SV2C: variants seen among roughly 807,000 people sequenced by gnomAD.
SV2C encodes the protein solute carrier family 22 member B3.
A neutral mutation model predicts 79.7 loss-of-function variants in SV2C; 49 were observed. That is an observed-to-expected ratio of 0.61 (90% CI 0.49 to 0.78). SV2C has a LOEUF of 0.78. Among genes scored for constraint, SV2C ranks in the 30% least tolerant of loss-of-function variants. SV2C has a pLI of 0.00. For synonymous variants in SV2C, 334 were observed against 333.2 expected, an observed-to-expected ratio of 1.00 and a Z score of -0.03; for missense variants, 833 against 912.9, an observed-to-expected ratio of 0.91 and a Z score of 1.13.
chr5:75,900,391 C>T, the SV2C span, among the ~76,000 whole-genome samples: 10 of 152,100 alleles, frequency 6.6e-5, no homozygotes, highest in African/African-American at 2.4e-4. Context: ...GAATATTGGC[C>T]CCCACTGTCT....
chr5:75,901,627 A>C, the SV2C span, among the ~76,000 whole-genome samples: 1 of 152,248 alleles, frequency 6.6e-6, no homozygotes, highest in Non-Finnish European at 1.5e-5. Context: ...GCTGTCAGAC[A>C]GGGACATTTA....
At chr5:76,078,554 A>G (rs73130207), upstream of SV2C, 16,078 of 319,888 alleles carry the variant, frequency 0.05, 2,452 homozygotes, top group African/African-American at 0.32. Context: ...GGTAGACTCA[A>G]AACATACTGT....
chr5:75,911,049 C>A, the SV2C span: 1 of 1,168,904 alleles, frequency 8.6e-7, no homozygotes, highest in Non-Finnish European at 1.3e-6. Flanking sequence ...GAGAGTGAAT[C>A]TGTCGCAACA....
chr5:76,155,067 C>A (rs538662711), intron 2 of SV2C, among the ~76,000 whole-genome samples: 1 of 152,306 alleles, frequency 6.6e-6, no homozygotes, highest in African/African-American at 2.4e-5. Flanking sequence ...TCTTCTCACA[C>A]TCAGTAAATT....
At chr5:75,952,694 G>T in the SV2C span, among the ~76,000 whole-genome samples, 1 of 151,772 alleles carries the variant, frequency 6.6e-6, no homozygotes, top group Non-Finnish European at 1.5e-5. Flanking sequence ...TCCACCATGG[G>T]TAAATGCTCC....
At chr5:76,265,608 G>A (rs549190204) in intron 4 of SV2C, among the ~76,000 whole-genome samples, 2 of 152,340 alleles carry the variant, frequency 1.3e-5, no homozygotes, top group South Asian at 4.1e-4. Flanking sequence ...TGGTGGTGTA[G>A]GCATACGAAG....
At chr5:76,095,337 C>T (rs529380214) in intron 1 of SV2C, among the ~76,000 whole-genome samples, 2 of 152,150 alleles carry the variant, frequency 1.3e-5, no homozygotes, top group South Asian at 4.1e-4. Flanking sequence ...TGATATGCCT[C>T]TTATTAATTA....
At chr5:75,957,494 C>T in the SV2C span, among the ~76,000 whole-genome samples, 1 of 152,014 alleles carries the variant, frequency 6.6e-6, no homozygotes, top group African/African-American at 2.4e-5. Context: ...CTCCAATCTA[C>T]AATGGGAGGA....
intron 1 of SV2C, among the ~76,000 whole-genome samples, chr5:76,105,936 T>C (rs968812261): frequency 6.6e-6 from 1 of 152,126 alleles, no homozygotes; most frequent in African/African-American, 2.4e-5. Flanking sequence ...GTCTTGGTGA[T>C]CTCATCCATT....
In SV2C at chr5:76,327,451, T is replaced by A. The variant is rs1401177920; in HGVS notation, c.*1904T>A. 1 of 152,194 alleles carries A rather than the reference T, an allele frequency of 6.6e-6. No individual in the cohort carries two copies. The highest frequency in any genetic ancestry group is 1.5e-5 in the Non-Finnish European group (1 of 68,040). 9.4% of individuals were successfully genotyped at this position (152,194 alleles called of 1,614,324 possible). On this transcript the variant is annotated 3_prime_UTR_variant, in exon 13 of 13. Coordinates refer to ENST00000502798, the MANE Select transcript of SV2C (RefSeq NM_014979.4). ...GAAACAACTTTCTCTCACTTCTGCC[T>A]CCTATCATTTTATTGGAGAACAAAG... is the stretch of plus-strand genomic sequence containing the variant.
upstream of SV2C, chr5:76,078,966 A>G: frequency 1.9e-6 from 1 of 513,734 alleles, no homozygotes; most frequent in African/African-American, 2.0e-5. Flanking sequence ...GAATGAAAGA[A>G]TTGAGTCAAG....
At chr5:76,135,397 G>C (rs1580295775) in intron 2 of SV2C, among the ~76,000 whole-genome samples, 1 of 152,178 alleles carries the variant, frequency 6.6e-6, no homozygotes, top group African/African-American at 2.4e-5. Context: ...GGGAGAGAAT[G>C]GTTTCCCGCT....
chr5:76,094,966 T>C (rs180725003), intron 1 of SV2C, among the ~76,000 whole-genome samples: 51 of 152,030 alleles, frequency 3.4e-4, no homozygotes, highest in African/African-American at 1.2e-3. Flanking sequence ...AATTTTTCTC[T>C]TTTTTTTCCT....
At chr5:75,912,494 G>A in the SV2C span, among the ~76,000 whole-genome samples, 3 of 152,044 alleles carry the variant, frequency 2.0e-5, no homozygotes, top group East Asian at 3.9e-4. Flanking sequence ...CTCAAAAAAC[G>A]AAAATAAAAT....
At chr5:75,874,379 A>G in the SV2C span, among the ~76,000 whole-genome samples, 2,867 of 152,314 alleles carry the variant, frequency 0.019, 45 homozygotes, top group Middle Eastern at 0.048. Context: ...AAAACTCTCA[A>G]TAAACTAGGT....
At chr5:75,872,898 TTAAAG>T in the SV2C span, among the ~76,000 whole-genome samples, 1 of 151,456 alleles carries the variant, frequency 6.6e-6, no homozygotes, top group Non-Finnish European at 1.5e-5. Context: ...AGCCTAAAAC[TTAAAG>T]TATAATAATA....
chr5:76,177,109 T>C (rs1279586216), intron 2 of SV2C, among the ~76,000 whole-genome samples: 2 of 109,082 alleles, frequency 1.8e-5, no homozygotes, highest in African/African-American at 4.4e-5. Context: ...AGCGAGACTC[T>C]GTCTCAAAAA....
At chr5:75,886,034 C>T in the SV2C span, among the ~76,000 whole-genome samples, 134 of 152,236 alleles carry the variant, frequency 8.8e-4, no homozygotes, top group African/African-American at 3.0e-3. Context: ...GAACTGAGGG[C>T]CTTGGGCCTC....
At chr5:76,079,258 C>A, upstream of SV2C, 1 of 324,110 alleles carries the variant, frequency 3.1e-6, no homozygotes. Flanking sequence ...TACTGCTTCT[C>A]AGAGGCTGAG....
Sources: allele counts gnomAD v4.1 joint callset (sites outside exome capture counted in the v4.1 genomes callset), GRCh38; gene constraint gnomAD v4.1.1; transcripts MANE v1.5; gene names NCBI Gene and HGNC (gene_info 2026-07-23, HGNC 2026-07-21).